The following CCDC91 variants were observed in gnomAD, a reference collection of about 807,000 sequenced individuals.
CCDC91 encodes coiled-coil domain-containing protein 91.
A neutral mutation model predicts 63.2 loss-of-function variants in CCDC91; 48 were observed. That is an observed-to-expected ratio of 0.76 (90% CI 0.60 to 0.97). The LOEUF is 0.97. Ranked by LOEUF, CCDC91 falls within the 50% of genes least tolerant of loss-of-function variation. The pLI is 0.00. For missense variants in CCDC91, 500 were observed against 494.6 expected (o/e 1.01, Z -0.10); for synonymous variants, 167 against 165.8 (o/e 1.01, Z -0.06).
intron 12 of CCDC91, among the ~76,000 whole-genome samples, chr12:28,531,753 G>T (rs1334834898): frequency 6.6e-6 from 1 of 152,090 alleles, no homozygotes; most frequent in Non-Finnish European, 1.5e-5. Context: ...AGTAAATTCA[G>T]CAAACATTTA....
intron 6 of CCDC91, among the ~76,000 whole-genome samples, chr12:28,347,810 C>T (rs1193217758): frequency 6.6e-6 from 1 of 152,126 alleles, no homozygotes; most frequent in Non-Finnish European, 1.5e-5. Context: ...TATAAAAATG[C>T]AGTTGTTATA....
rs1280829624 is a variant in CCDC91, at chr12:28,484,135, A to G, written c.1185A>G (p.Glu395=). ...VEEAVKRTRD[E]LIEYIKEQKR... Reference sequence around the variant, plus strand: ...AGGCAGTGAAAAGAACAAGAGATGAATTGATAGAGTATATAAAAGAACAGA... The same window carrying G: ...AGGCAGTGAAAAGAACAAGAGATGAGTTGATAGAGTATATAAAAGAACAGA... Residue 395 remains glutamate, a synonymous_variant, in exon 12 of 13, where the codon GAA becomes GAG. Transcript: ENST00000536442. The G allele has an allele frequency of 3.1e-6, 5 of 1,609,014 alleles. No homozygotes were observed. Among genetic ancestry groups the G allele is most frequent in the African/African-American group, 1.3e-5 (1 of 74,926 alleles).
At chr12:28,441,608 T>C (rs1949213264) in intron 8 of CCDC91, among the ~76,000 whole-genome samples, 1 of 147,480 alleles carries the variant, frequency 6.8e-6, no homozygotes, top group South Asian at 2.1e-4. Context: ...TGTATACATA[T>C]ATATATATAT....
intron 1 of CCDC91, among the ~76,000 whole-genome samples, chr12:28,246,653 A>C (rs115354958): frequency 1.8e-3 from 275 of 152,312 alleles, no homozygotes; most frequent in Middle Eastern, 6.9e-3. Context: ...ATAGTTATAC[A>C]GTATAATGAA....
chr12:28,376,029 T>C (rs569277492), intron 7 of CCDC91, among the ~76,000 whole-genome samples: 18 of 152,020 alleles, frequency 1.2e-4, no homozygotes, highest in Non-Finnish European at 2.4e-4. Flanking sequence ...TGTTGCTTTT[T>C]AAAAATGCAT....
intron 12 of CCDC91, among the ~76,000 whole-genome samples, chr12:28,520,168 C>T (rs1489833078): frequency 6.6e-6 from 1 of 152,202 alleles, no homozygotes. Context: ...TATGGTTGAA[C>T]TAGTTTACAG....
Position 28,307,001 on chromosome 12 carries a change from T to A in CCDC91, c.471+56T>A, listed in dbSNP as rs1352367138. The A allele has an allele frequency of 2.5e-6, 3 of 1,179,048 alleles. No individual in the cohort carries two copies. The Admixed American group carries it at 6.3e-5, about 25-fold the overall frequency. 73.0% of individuals were successfully genotyped at this position (1,179,048 alleles called of 1,614,324 possible). On this transcript the variant is annotated intron_variant, in intron 5 of 12. Transcript: ENST00000536442. ...AATTGCAAATATTAGAAATTTGATA[T>A]AATCTCAAACTCTGATTAAAAACTC... is the stretch of plus-strand genomic sequence containing the variant.
chr12:28,489,078 T>C (rs1179833110), intron 12 of CCDC91, among the ~76,000 whole-genome samples: 6 of 152,002 alleles, frequency 3.9e-5, no homozygotes, highest in Admixed American at 3.3e-4. Flanking sequence ...AAATATTTAC[T>C]ATCTGGTTCT....
At chr12:28,283,308 T>C (rs1466474501) in intron 3 of CCDC91, among the ~76,000 whole-genome samples, 1 of 151,904 alleles carries the variant, frequency 6.6e-6, no homozygotes, top group Non-Finnish European at 1.5e-5. Context: ...GGGAGCATGG[T>C]CATTTTCATA....
At chr12:28,520,021 C>T (rs1484027747) in intron 12 of CCDC91, among the ~76,000 whole-genome samples, 10 of 152,016 alleles carry the variant, frequency 6.6e-5, no homozygotes, top group Admixed American at 3.9e-4. Flanking sequence ...TGAATAGTGC[C>T]GCAATAAACA....
intron 6 of CCDC91, among the ~76,000 whole-genome samples, chr12:28,329,153 C>T (rs1158726371): frequency 2.0e-5 from 3 of 152,180 alleles, no homozygotes; most frequent in Non-Finnish European, 4.4e-5. Context: ...ATGTGAATCA[C>T]TTGCCTGTTA....
intron 8 of CCDC91, among the ~76,000 whole-genome samples, chr12:28,415,138 ATTT>A (rs576532815): frequency 6.6e-6 from 1 of 151,782 alleles, no homozygotes; most frequent in Non-Finnish European, 1.5e-5. Flanking sequence ...AGGTTTATCT[ATTT>A]TTAATTTTTT....
intron 8 of CCDC91, among the ~76,000 whole-genome samples, chr12:28,439,886 C>A (rs1472881037): frequency 6.7e-6 from 1 of 150,350 alleles, no homozygotes; most frequent in Non-Finnish European, 1.5e-5. Context: ...TTAATTTTTT[C>A]AAAAGATTAT....
intron 6 of CCDC91, among the ~76,000 whole-genome samples, chr12:28,309,572 T>TCCTA (rs1409469512): frequency 6.6e-6 from 1 of 152,180 alleles, no homozygotes; most frequent in East Asian, 1.9e-4. Context: ...AACCTATTGC[T>TCCTA]CCTAGTTAAC....
At chr12:28,271,035 G>T (rs934391569) in intron 3 of CCDC91, among the ~76,000 whole-genome samples, 10 of 152,168 alleles carry the variant, frequency 6.6e-5, no homozygotes, top group Non-Finnish European at 1.5e-4. Flanking sequence ...TTTAAGGGGA[G>T]ATATGGAGTG....
chr12:28,264,585 CTG>C (rs34854850), intron 3 of CCDC91, among the ~76,000 whole-genome samples: 50 of 137,310 alleles, frequency 3.6e-4, no homozygotes, highest in South Asian at 3.5e-3. Context: ...ATATGTCTGT[CTG>C]TGTGTGTGTG....
intron 12 of CCDC91, among the ~76,000 whole-genome samples, chr12:28,491,304 G>C (rs537397071): frequency 6.6e-6 from 1 of 151,758 alleles, no homozygotes; most frequent in South Asian, 2.1e-4. Context: ...ACTGATGCAG[G>C]AGAATCACTT....
chr12:28,194,396 C>T (rs1941558294), intron 1 of CCDC91, among the ~76,000 whole-genome samples: 1 of 152,226 alleles, frequency 6.6e-6, no homozygotes, highest in Middle Eastern at 3.4e-3. Flanking sequence ...AGGCACGGAC[C>T]CTCGCAGTGA....
chr12:28,415,779 C>G (rs768170622), intron 8 of CCDC91, among the ~76,000 whole-genome samples: 7 of 151,784 alleles, frequency 4.6e-5, no homozygotes, highest in Non-Finnish European at 8.8e-5. Flanking sequence ...ATAGTGGTTA[C>G]AGTCAATATA....
Sources: allele counts gnomAD v4.1 joint callset (sites outside exome capture counted in the v4.1 genomes callset), GRCh38; gene constraint gnomAD v4.1.1; transcripts MANE v1.5; gene names NCBI Gene and HGNC (gene_info 2026-07-23, HGNC 2026-07-21).